Variants in CREB5 observed in about 807,000 individuals in gnomAD.
The protein encoded by CREB5 is cAMP responsive element binding protein 5.
In CREB5, 19 loss-of-function variants were observed where a neutral mutation model predicts 57.1. The ratio of observed to expected loss-of-function variants is 0.33; its 90% CI spans 0.23 to 0.49. The LOEUF is 0.49. Among genes scored for constraint, CREB5 ranks in the 20% least tolerant of loss-of-function variants. CREB5 has a pLI of 0.99. For synonymous variants in CREB5, 238 were observed against 238.3 expected, an observed-to-expected ratio of 1.00 and a Z score of 0.01; for missense variants, 579 against 671.6, an observed-to-expected ratio of 0.86 and a Z score of 1.52.
At chr7:28,764,276 GATATAAC>G (rs1805831655) in intron 7 of CREB5, among the ~76,000 whole-genome samples, 1 of 151,308 alleles carries the variant, frequency 6.6e-6, no homozygotes, top group African/African-American at 2.4e-5. Context: ...AAATATAAAT[GATATAAC>G]ATTAACATTA....
intron 2 of CREB5, among the ~76,000 whole-genome samples, chr7:28,491,427 G>A (rs1328884518): frequency 1.0e-5 from 1 of 98,542 alleles, no homozygotes; most frequent in Non-Finnish European, 2.1e-5. Context: ...AAGGTTGAAG[G>A]GAGTCCATTT....
chr7:28,640,963 C>A (rs899311845), intron 5 of CREB5, among the ~76,000 whole-genome samples: 8 of 152,180 alleles, frequency 5.3e-5, no homozygotes, highest in African/African-American at 1.4e-4. Flanking sequence ...AACTTCTTGT[C>A]TCTAAATCTT....
chr7:28,608,855 GAGA>G (rs975884038), intron 5 of CREB5, among the ~76,000 whole-genome samples: 16 of 152,182 alleles, frequency 1.1e-4, no homozygotes, highest in Admixed American at 6.5e-5. Flanking sequence ...GCTCAAATAA[GAGA>G]AGAAGAGGAT....
chr7:28,666,121 T>A (rs941086213), intron 5 of CREB5, among the ~76,000 whole-genome samples: 1 of 152,184 alleles, frequency 6.6e-6, no homozygotes, highest in Non-Finnish European at 1.5e-5. Flanking sequence ...AAAGTTTGGA[T>A]AATAAATGAG....
intron 7 of CREB5, among the ~76,000 whole-genome samples, chr7:28,787,277 A>G (rs1807384929): frequency 6.6e-6 from 1 of 152,222 alleles, no homozygotes; most frequent in South Asian, 2.1e-4. Context: ...CAGAAATTAC[A>G]TAGCACATGG....
intron 9 of CREB5, among the ~76,000 whole-genome samples, chr7:28,815,923 T>C (rs1280256323): frequency 2.0e-5 from 3 of 152,208 alleles, no homozygotes; most frequent in Non-Finnish European, 2.9e-5. Context: ...TAAGATCCAT[T>C]GTCTACATTA....
intron 5 of CREB5, among the ~76,000 whole-genome samples, chr7:28,630,480 T>C (rs1036155962): frequency 6.6e-6 from 1 of 152,224 alleles, no homozygotes; most frequent in African/African-American, 2.4e-5. Context: ...CCATGAATAC[T>C]TGAGACCGAG....
chr7:28,642,040 C>G (rs1391734325), intron 5 of CREB5, among the ~76,000 whole-genome samples: 2 of 152,202 alleles, frequency 1.3e-5, no homozygotes, highest in African/African-American at 4.8e-5. Flanking sequence ...CCACAAATAC[C>G]TGGGTGTAAG....
intron 5 of CREB5, among the ~76,000 whole-genome samples, chr7:28,627,425 C>G (rs1798042046): frequency 6.6e-6 from 1 of 152,192 alleles, no homozygotes; most frequent in Non-Finnish European, 1.5e-5. Context: ...GGGCCCATCC[C>G]CAGAAGGTTT....
At chr7:28,514,217 C>A (rs764700950) in intron 4 of CREB5, among the ~76,000 whole-genome samples, 3 of 152,060 alleles carry the variant, frequency 2.0e-5, no homozygotes, top group Non-Finnish European at 4.4e-5. Context: ...ATTTTGAGTG[C>A]TTGATTATTT....
intron 8 of CREB5, among the ~76,000 whole-genome samples, chr7:28,807,405 C>T (rs940605490): frequency 3.3e-5 from 5 of 152,156 alleles, no homozygotes; most frequent in Non-Finnish European, 7.4e-5. Context: ...ACCGAAATCG[C>T]GCCACTGCAC....
intron 1 of CREB5, among the ~76,000 whole-genome samples, chr7:28,332,305 T>G (rs1277297841): frequency 6.6e-6 from 1 of 152,202 alleles, no homozygotes; most frequent in Non-Finnish European, 1.5e-5. Flanking sequence ...GCATTTCTGT[T>G]GTCTGAAGCC....
intron 5 of CREB5, among the ~76,000 whole-genome samples, chr7:28,610,287 G>A (rs989520327): frequency 1.3e-5 from 2 of 152,116 alleles, no homozygotes; most frequent in Non-Finnish European, 2.9e-5. Context: ...TGAAAGGTGT[G>A]CTCAGAGGTA....
intron 7 of CREB5, among the ~76,000 whole-genome samples, chr7:28,737,584 TA>T (rs1804101917): frequency 2.9e-4 from 8 of 27,558 alleles, no homozygotes; most frequent in African/African-American, 3.4e-4. Context: ...TATATATATA[TA>T]TATTTTTAAC....
At chr7:28,441,653 T>A (rs1181964756) in intron 1 of CREB5, among the ~76,000 whole-genome samples, 1 of 152,172 alleles carries the variant, frequency 6.6e-6, no homozygotes, top group Non-Finnish European at 1.5e-5. Context: ...ATGTTTGACT[T>A]TTTGTAAGTT....
intron 4 of CREB5, among the ~76,000 whole-genome samples, chr7:28,555,304 A>G (rs10486588): frequency 0.2 from 29,989 of 152,166 alleles, 3,355 homozygotes; most frequent in East Asian, 0.48. Context: ...AGAGAAATCA[A>G]TACTAGGTAC....
chr7:28,527,025 A>G (rs1793478567), intron 4 of CREB5, among the ~76,000 whole-genome samples: 1 of 152,204 alleles, frequency 6.6e-6, no homozygotes, highest in Admixed American at 6.5e-5. Flanking sequence ...TGGGTGGCAG[A>G]ACCTTGACTT....
intron 4 of CREB5, among the ~76,000 whole-genome samples, chr7:28,546,953 C>G (rs1441210158): frequency 1.3e-5 from 2 of 152,178 alleles, no homozygotes; most frequent in Non-Finnish European, 2.9e-5. Flanking sequence ...ATAGGGACCC[C>G]AAGGAGTTAC....
At chr7:28,655,755 G>A (rs539839703) in intron 5 of CREB5, among the ~76,000 whole-genome samples, 43 of 152,192 alleles carry the variant, frequency 2.8e-4, no homozygotes, top group Non-Finnish European at 5.4e-4. Flanking sequence ...TCTGTTAGTC[G>A]TGTTATGTGT....
Sources: allele counts gnomAD v4.1 joint callset (sites outside exome capture counted in the v4.1 genomes callset), GRCh38; gene constraint gnomAD v4.1.1; transcripts MANE v1.5; gene names NCBI Gene and HGNC (gene_info 2026-07-23, HGNC 2026-07-21).